Variants in BLNK observed in about 807,000 individuals in gnomAD.
The protein encoded by BLNK is B cell linker.
BLNK carries 29 observed loss-of-function variants against 73.5 expected under a neutral mutation model. That is an observed-to-expected ratio of 0.39 (90% CI 0.29 to 0.54). The LOEUF is 0.54. Ranked by LOEUF, BLNK falls within the 20% of genes least tolerant of loss-of-function variation. The probability of loss-of-function intolerance (pLI) is 0.61; values close to 1 mark genes in which losing one functional copy is unlikely to be tolerated. For synonymous variants in BLNK, 176 were observed against 200.8 expected, an observed-to-expected ratio of 0.88 and a Z score of 1.04; for missense variants, 460 against 562.8, an observed-to-expected ratio of 0.82 and a Z score of 1.85.
chr10:96,216,500 G>T (rs2084068922), intron 7 of BLNK, 153 bp downstream of exon 7: 13 of 706,992 alleles, frequency 1.8e-5, no homozygotes, highest in South Asian at 1.7e-4. Flanking sequence ...GATGCTGTCT[G>T]CCCAACCAGC....
chr10:96,213,957 A>G, intron 8 of BLNK, among the ~76,000 whole-genome samples: 1 of 152,222 alleles, frequency 6.6e-6, no homozygotes, highest in East Asian at 1.9e-4. Flanking sequence ...AGGAGAGGTT[A>G]AGTAAAACCA....
chr10:96,216,445 G>C, intron 7 of BLNK: 2 of 599,344 alleles, frequency 3.3e-6, no homozygotes. Flanking sequence ...GAAGAGGAAG[G>C]GGAAGGCAGG....
At chr10:96,254,425 C>A (rs1376584794) in intron 1 of BLNK, among the ~76,000 whole-genome samples, 1 of 152,218 alleles carries the variant, frequency 6.6e-6, no homozygotes, top group Non-Finnish European at 1.5e-5. Context: ...CCTTCTCTTC[C>A]CAGGCAGCCT....
chr10:96,198,942 AC>A (rs1241057938), intron 15 of BLNK, among the ~76,000 whole-genome samples: 1 of 152,052 alleles, frequency 6.6e-6, no homozygotes, highest in Non-Finnish European at 1.5e-5. Flanking sequence ...CAAGTGATCC[AC>A]TCACCTCGGC....
chr10:96,247,683 G>A (rs899160722), intron 1 of BLNK, among the ~76,000 whole-genome samples: 2 of 152,166 alleles, frequency 1.3e-5, no homozygotes, highest in Non-Finnish European at 2.9e-5. Context: ...TTTGCACTGC[G>A]TTATAGATGA....
intron 3 of BLNK, among the ~76,000 whole-genome samples, chr10:96,237,312 C>A (rs782181280): frequency 6.6e-6 from 1 of 151,784 alleles, no homozygotes; most frequent in African/African-American, 2.4e-5. Flanking sequence ...GGCATTTACC[C>A]AAGAATCCCT....
At chr10:96,265,059 G>A (rs570408562) in intron 1 of BLNK, among the ~76,000 whole-genome samples, 12 of 152,108 alleles carry the variant, frequency 7.9e-5, no homozygotes, top group East Asian at 1.9e-4. Flanking sequence ...CCTCCTGGGC[G>A]ATCCTCCCAT....
intron 1 of BLNK, among the ~76,000 whole-genome samples, chr10:96,267,788 T>A (rs1171626282): frequency 6.6e-6 from 1 of 152,194 alleles, no homozygotes; most frequent in Non-Finnish European, 1.5e-5. Context: ...ACATGAAACT[T>A]ATCAGGGATC....
In BLNK at chr10:96,212,595, C is replaced by T. The variant is rs587643254; in HGVS notation, c.677-2688G>A. 3.0e-4 allele frequency among the ~76,000 whole-genome samples: 46 copies of T among 152,272 alleles called. No individual in the cohort carries two copies. In the East Asian group the frequency reaches 3.7e-3, roughly 12 times the overall value. On this transcript the variant is annotated intron_variant, in intron 8 of 16. Transcript: ENST00000224337. ...ACTGGCTTCTCAAGCACAGCGGGGA[C>T]GGCAGGGGCTGTCACTGCACCAGAT...
Position 96,200,102 on chromosome 10 carries a change from A to T in BLNK, c.1068T>A (p.Ala356=). 6.2e-7 allele frequency: 1 copy of T among 1,614,126 alleles called. No individual in the cohort carries two copies. Among genetic ancestry groups the T allele is most frequent in the South Asian group, 1.1e-5 (1 of 91,068 alleles). ...TGTTTGATCTGTGCAATGCCTCTTC[A>T]GCAGACTTTCGATCACAGGCTCCAG... The part of the protein sequence containing the change: ...WYAGACDRKS[A]EEALHRSNKD... The change falls in exon 15 of 17, where the codon GCT becomes GCA. Residue 356 remains alanine, a synonymous_variant. Coordinates refer to ENST00000224337, the MANE Select transcript of BLNK (RefSeq NM_013314.4). This position sits in a 1 kb window ranked among gnomAD's most constrained non-coding sequence, Gnocchi z 4.3.
intron 13 of BLNK, among the ~76,000 whole-genome samples, chr10:96,201,897 A>T (rs11188663): frequency 0.28 from 42,748 of 151,806 alleles, 6,693 homozygotes; most frequent in Non-Finnish European, 0.35. Flanking sequence ...ATAAGTAAAA[A>T]ATATATATAT....
chr10:96,233,149 A>G (rs1247240250), intron 3 of BLNK, among the ~76,000 whole-genome samples: 2 of 152,198 alleles, frequency 1.3e-5, no homozygotes, highest in Non-Finnish European at 2.9e-5. Context: ...CTGAAGATCA[A>G]CACTTAAGAT....
chr10:96,207,839 TA>T (rs782335935), intron 10 of BLNK, 32 bp downstream of exon 10: 1 of 1,612,210 alleles, frequency 6.2e-7, no homozygotes, highest in Non-Finnish European at 8.5e-7. Flanking sequence ...CTGCAGGAAA[TA>T]TGAAGCACTT....
intron 1 of BLNK, among the ~76,000 whole-genome samples, chr10:96,268,704 C>T (rs1212854974): frequency 6.6e-6 from 1 of 152,150 alleles, no homozygotes; most frequent in Admixed American, 6.5e-5. Context: ...CCCTCCTTTC[C>T]TTGGATGACT....
chr10:96,266,287 T>C (rs917514439), intron 1 of BLNK, among the ~76,000 whole-genome samples: 4 of 152,106 alleles, frequency 2.6e-5, no homozygotes, highest in African/African-American at 7.2e-5. Flanking sequence ...GGCTGGAAAA[T>C]AACTGTGATT....
intron 9 of BLNK, among the ~76,000 whole-genome samples, chr10:96,209,147 G>A (rs782046844): frequency 5.9e-5 from 9 of 152,190 alleles, no homozygotes; most frequent in Admixed American, 5.2e-4. Flanking sequence ...AACTTCAGTC[G>A]TATGGCTTTG....
At chr10:96,262,455 T>A (rs1373389322) in intron 1 of BLNK, among the ~76,000 whole-genome samples, 1 of 152,184 alleles carries the variant, frequency 6.6e-6, no homozygotes, top group African/African-American at 2.4e-5. Context: ...ATTTTTCAGA[T>A]GAAAAACCTG....
Position 96,191,019 on chromosome 10 carries a change from A to G in BLNK, c.*954T>C, listed in dbSNP as rs1166580191. 6.6e-6 allele frequency among the ~76,000 whole-genome samples: 1 copy of G among 152,030 alleles called. No individual in the cohort carries two copies. The highest frequency in any genetic ancestry group is 2.4e-5 in the African/African-American group (1 of 41,400). ...ATAATCCCCACGTGCCATGGGAGGG[A>G]CCTGGTGGGAGGTAACTGAATCACG... On this transcript the variant is annotated 3_prime_UTR_variant, in exon 17 of 17. Coordinates refer to ENST00000224337, the MANE Select transcript of BLNK (RefSeq NM_013314.4).
intron 15 of BLNK, among the ~76,000 whole-genome samples, chr10:96,198,772 C>T (rs2083543194): frequency 6.6e-6 from 1 of 152,230 alleles, no homozygotes; most frequent in Admixed American, 6.5e-5. Flanking sequence ...GATCTCGGCT[C>T]ACTGCAACTT....
Sources: gnomAD v4.1 joint callset for allele counts (sites outside exome capture counted in the v4.1 genomes callset) on GRCh38, gnomAD v4.1.1 for gene constraint, Gnocchi (gnomAD v3.1) non-coding constraint, MANE v1.5 for transcripts, NCBI Gene and HGNC (gene_info 2026-07-23, HGNC 2026-07-21) for gene names.